The following CACNA1D variants were observed in gnomAD, a reference collection of about 807,000 sequenced individuals.
The protein encoded by CACNA1D is calcium voltage-gated channel subunit alpha1 D, also known as voltage-dependent L-type calcium channel subunit alpha-1D.
A neutral mutation model predicts 257.1 loss-of-function variants in CACNA1D; 55 were observed. The ratio of observed to expected loss-of-function variants is 0.21; its 90% CI spans 0.17 to 0.27. The LOEUF (loss-of-function observed/expected upper bound fraction) is 0.27. Among genes scored for constraint, CACNA1D ranks in the 10% least tolerant of loss-of-function variants. CACNA1D has a pLI of 1.00. For missense variants in CACNA1D, 1,876 were observed against 2,784.0 expected (o/e 0.67, Z 7.34); for synonymous variants, 980 against 1,014.9 (o/e 0.97, Z 0.65).
intron 3 of CACNA1D, among the ~76,000 whole-genome samples, chr3:53,553,551 C>T (rs775678767): frequency 4.6e-5 from 7 of 152,182 alleles, no homozygotes; most frequent in Non-Finnish European, 7.3e-5. Context: ...GTGTGTATGA[C>T]TTCCACCATT....
At chr3:53,747,510 C>G (rs921972321) in intron 26 of CACNA1D, 62 bp downstream of exon 26, 1 of 1,528,338 alleles carries the variant, frequency 6.5e-7, no homozygotes, top group East Asian at 2.2e-5. Flanking sequence ...CTGAGCCCTC[C>G]CTCCTGGAGT....
At chr3:53,497,066 G>C (rs986157961) in intron 1 of CACNA1D, 86 bp from the exon 2 acceptor site, 2 of 992,178 alleles carry the variant, frequency 2.0e-6, no homozygotes, top group South Asian at 2.8e-5. Context: ...CCCTGTTATT[G>C]ATGGGAGACA....
chr3:53,786,418 T>G, intron 39 of CACNA1D: 1 of 224,040 alleles, frequency 4.5e-6, no homozygotes, highest in Non-Finnish European at 9.0e-6. Context: ...CCTTGATAAG[T>G]TTATGGTAGT....
At chr3:53,776,086 C>G in intron 35 of CACNA1D, 41 bp downstream of exon 35, 3 of 1,571,094 alleles carry the variant, frequency 1.9e-6, no homozygotes, top group Non-Finnish European at 2.6e-6. Context: ...TTTACAGATG[C>G]TTATGTAGCA....
chr3:53,618,070 C>A (rs2093656324), intron 3 of CACNA1D, among the ~76,000 whole-genome samples: 1 of 152,166 alleles, frequency 6.6e-6, no homozygotes, highest in African/African-American at 2.4e-5. Flanking sequence ...TTGCATCCAC[C>A]AAGTCACAGG....
chr3:53,596,029 G>A (rs1196819081), intron 3 of CACNA1D, among the ~76,000 whole-genome samples: 1 of 152,146 alleles, frequency 6.6e-6, no homozygotes, highest in Non-Finnish European at 1.5e-5. Flanking sequence ...CAGAAACAAG[G>A]CTTAGCCACT....
At chr3:53,739,687 C>T (rs1421348868) in intron 20 of CACNA1D, among the ~76,000 whole-genome samples, 2 of 152,140 alleles carry the variant, frequency 1.3e-5, no homozygotes, top group African/African-American at 2.4e-5. Flanking sequence ...TGCTGGAGAC[C>T]ACCAATGCAG....
At chr3:53,695,416 T>C (rs964572603) in intron 8 of CACNA1D, among the ~76,000 whole-genome samples, 4 of 152,148 alleles carry the variant, frequency 2.6e-5, no homozygotes, top group Admixed American at 2.0e-4. Flanking sequence ...CTTCAGATAC[T>C]GGGGACCAGC....
intron 3 of CACNA1D, among the ~76,000 whole-genome samples, chr3:53,606,368 C>G (rs2093510656): frequency 6.6e-6 from 1 of 152,212 alleles, no homozygotes; most frequent in Non-Finnish European, 1.5e-5. Flanking sequence ...TTCTCTCATT[C>G]CAGAAATGTG....
Position 53,495,493 on chromosome 3 carries a change from C to T in CACNA1D, c.67+260C>T, listed in dbSNP as rs749599532. Reference sequence around the variant, plus strand: ...GTGGAGCGCGGTGCAGCCGGAGGGGCGGCGAGTCGGGGTGATTCGGGTTCA... The same window carrying T: ...GTGGAGCGCGGTGCAGCCGGAGGGGTGGCGAGTCGGGGTGATTCGGGTTCA... On this transcript the variant is annotated intron_variant, in intron 1 of 47. Transcript: ENST00000350061. The surrounding 1 kb of genome is among the most constrained non-coding windows in gnomAD (Gnocchi z 5.1). 4.3e-5 allele frequency among the ~76,000 whole-genome samples: 6 copies of T among 139,172 alleles called. No homozygotes were observed. Among genetic ancestry groups the T allele is most frequent in the Admixed American group, 1.4e-4 (2 of 14,004 alleles). 91.3% of individuals were successfully genotyped at this position (139,172 alleles called of 152,430 possible). A position where few individuals can be genotyped will look rare whatever the true frequency, so the allele number is the denominator to read the frequency against.
intron 3 of CACNA1D, among the ~76,000 whole-genome samples, chr3:53,539,539 G>GT (rs1227646552): frequency 6.6e-6 from 1 of 152,226 alleles, no homozygotes; most frequent in African/African-American, 2.4e-5. Flanking sequence ...GTACAGTCAA[G>GT]TTGTTTCTAG....
intron 34 of CACNA1D, 121 bp from the exon 35 acceptor site, chr3:53,775,765 A>C: frequency 3.1e-6 from 3 of 965,988 alleles, no homozygotes; most frequent in South Asian, 2.6e-5. Flanking sequence ...CATTAATTCA[A>C]ATTGGATTTT....
In CACNA1D at chr3:53,746,926, C is replaced by G. The variant is rs2577325; in HGVS notation, c.3168-376C>G. Among the ~76,000 whole-genome samples, 8 of 152,004 alleles carry G rather than the reference C, an allele frequency of 5.3e-5. No individual in the cohort carries two copies. In the South Asian group the frequency reaches 6.2e-4, roughly 12 times the overall value. Reference sequence around the variant, plus strand: ...AATGCAGGAAGAGTATACGTGGGTTCGTTTCCTAGAGCCTACAGAGTTCTC... The same window carrying G: ...AATGCAGGAAGAGTATACGTGGGTTGGTTTCCTAGAGCCTACAGAGTTCTC... On this transcript the variant is annotated intron_variant, in intron 25 of 47. Transcript: ENST00000350061.
At chr3:53,570,910 C>G (rs1005550176) in intron 3 of CACNA1D, among the ~76,000 whole-genome samples, 3 of 152,208 alleles carry the variant, frequency 2.0e-5, no homozygotes, top group African/African-American at 7.2e-5. Context: ...TCACACTGTG[C>G]CTCATGATGC....
chr3:53,708,432 C>A (rs1281633605), intron 9 of CACNA1D, among the ~76,000 whole-genome samples: 1 of 152,228 alleles, frequency 6.6e-6, no homozygotes, highest in Non-Finnish European at 1.5e-5. Context: ...GACTCAGGGG[C>A]TGGCCCTAGG....
chr3:53,770,575 C>T, intron 32 of CACNA1D, 23 bp downstream of exon 32: 1 of 1,611,636 alleles, frequency 6.2e-7, no homozygotes. Context: ...CCAAGGACTT[C>T]TCTCTTTGTC....
chr3:53,730,880 G>T, intron 16 of CACNA1D, 197 bp from the exon 17 acceptor site: 1 of 609,686 alleles, frequency 1.6e-6, no homozygotes, highest in Non-Finnish European at 2.9e-6. Context: ...TAATAAGATG[G>T]TCTGTGTAAT....
intron 3 of CACNA1D, among the ~76,000 whole-genome samples, chr3:53,608,503 C>T (rs1029266726): frequency 3.9e-5 from 6 of 152,186 alleles, no homozygotes; most frequent in Admixed American, 3.9e-4. Flanking sequence ...TATTTGAAAC[C>T]TCTATTACGA....
intron 47 of CACNA1D, chr3:53,810,642 C>T (rs887634575): frequency 3.5e-5 from 13 of 366,552 alleles, no homozygotes; most frequent in Non-Finnish European, 6.3e-5. Context: ...CCTGTAATCC[C>T]AGCTACTCAG....
Sources: gnomAD v4.1 joint callset for allele counts (sites outside exome capture counted in the v4.1 genomes callset) on GRCh38, gnomAD v4.1.1 for gene constraint, Gnocchi (gnomAD v3.1) non-coding constraint, MANE v1.5 for transcripts, NCBI Gene and HGNC (gene_info 2026-07-23, HGNC 2026-07-21) for gene names.